The following GAB2 variants were observed in gnomAD, a reference collection of about 807,000 sequenced individuals.
GAB2 encodes the protein GRB2 associated binding protein 2.
Under a neutral mutation model 65.5 loss-of-function variants are expected in GAB2, and 26 were observed. The observed-to-expected ratio is 0.40, with a 90% CI of 0.29 to 0.55. GAB2 has a LOEUF of 0.55. Among genes scored for constraint, GAB2 ranks in the 20% least tolerant of loss-of-function variants. GAB2 has a pLI of 0.53. For missense variants in GAB2, 884 were observed against 875.8 expected (o/e 1.01, Z -0.12); for synonymous variants, 321 against 329.6 (o/e 0.97, Z 0.28).
At chr11:78,393,017 C>T (rs1393246358) in intron 1 of GAB2, among the ~76,000 whole-genome samples, 1 of 152,252 alleles carries the variant, frequency 6.6e-6, no homozygotes, top group Non-Finnish European at 1.5e-5. Flanking sequence ...AGAGAAGAGA[C>T]TAAAAACACA....
chr11:78,223,708 T>G, intron 5 of GAB2, 32 bp from the exon 6 acceptor site: 1 of 1,538,736 alleles, frequency 6.5e-7, no homozygotes, highest in South Asian at 1.2e-5. Flanking sequence ...GAAATACAGC[T>G]GTTACTAGCA....
chr11:78,414,867 A>T (rs1240147952), intron 1 of GAB2, among the ~76,000 whole-genome samples: 2 of 152,038 alleles, frequency 1.3e-5, no homozygotes, highest in Non-Finnish European at 2.9e-5. Context: ...TTCCGAATTA[A>T]GTAAGTTTTT....
intron 1 of GAB2, among the ~76,000 whole-genome samples, chr11:78,379,223 C>T (rs941951209): frequency 6.6e-6 from 1 of 152,224 alleles, no homozygotes; most frequent in Non-Finnish European, 1.5e-5. Context: ...GAGGCTTCAG[C>T]TATTCTCCAC....
At chr11:78,221,280 T>G (rs1308031630) in intron 8 of GAB2, among the ~76,000 whole-genome samples, 1 of 152,260 alleles carries the variant, frequency 6.6e-6, no homozygotes, top group East Asian at 1.9e-4. Flanking sequence ...CCTCTGCCTG[T>G]GTTGATAGCT....
chr11:78,395,037 A>G (rs537743312), intron 1 of GAB2, among the ~76,000 whole-genome samples: 2 of 152,082 alleles, frequency 1.3e-5, no homozygotes, highest in African/African-American at 4.8e-5. Context: ...CATTTTACAC[A>G]CTGGGCAACT....
At chr11:78,283,809 A>G (rs1400059683) in intron 1 of GAB2, among the ~76,000 whole-genome samples, 1 of 151,800 alleles carries the variant, frequency 6.6e-6, no homozygotes, top group Non-Finnish European at 1.5e-5. Flanking sequence ...TCTCTTTTTC[A>G]GTCTCCAGTG....
chr11:78,335,211 T>A (rs983475319), intron 1 of GAB2, among the ~76,000 whole-genome samples: 2 of 152,206 alleles, frequency 1.3e-5, no homozygotes, highest in African/African-American at 4.8e-5. Flanking sequence ...TTTTAGGGAT[T>A]GTCTCCTTTG....
chr11:78,275,065 T>C (rs1486422102), intron 2 of GAB2, among the ~76,000 whole-genome samples: 1 of 152,200 alleles, frequency 6.6e-6, no homozygotes, highest in Non-Finnish European at 1.5e-5. Context: ...CGATTATGTC[T>C]TTTTGTGGCC....
chr11:78,346,644 A>C (rs1856184092), intron 1 of GAB2, among the ~76,000 whole-genome samples: 1 of 141,474 alleles, frequency 7.1e-6, no homozygotes, highest in African/African-American at 2.6e-5. Context: ...AAGAACAGAG[A>C]GGTATGGGCT....
chr11:78,260,763 C>T (rs975608116), intron 2 of GAB2, among the ~76,000 whole-genome samples: 2 of 152,202 alleles, frequency 1.3e-5, no homozygotes, highest in African/African-American at 2.4e-5. Flanking sequence ...TGAGTCACCG[C>T]GCCCAGTCTA....
At chr11:78,223,356 T>A in intron 6 of GAB2, 56 bp downstream of exon 6, 1 of 1,408,974 alleles carries the variant, frequency 7.1e-7, no homozygotes, top group Non-Finnish European at 9.4e-7. Flanking sequence ...CCTAAGCAAA[T>A]GGAAAGAGTC....
chr11:78,408,422 T>C (rs1857083075), intron 1 of GAB2, among the ~76,000 whole-genome samples: 1 of 151,980 alleles, frequency 6.6e-6, no homozygotes, highest in Non-Finnish European at 1.5e-5. Context: ...ACTATATAGA[T>C]AAATCAAAAT....
At chr11:78,234,915 C>T (rs978695771) in intron 3 of GAB2, among the ~76,000 whole-genome samples, 6 of 151,874 alleles carry the variant, frequency 4.0e-5, no homozygotes, top group Admixed American at 1.3e-4. Flanking sequence ...GAGGCTGAGG[C>T]AGGAGAATTG....
intron 2 of GAB2, among the ~76,000 whole-genome samples, chr11:78,250,868 T>C (rs1865434977): frequency 6.6e-6 from 1 of 152,132 alleles, no homozygotes; most frequent in African/African-American, 2.4e-5. Flanking sequence ...CCAAATACCC[T>C]AATGTTCTCA....
Position 78,235,302 on chromosome 11 carries a change from G to A in GAB2, c.621-8251C>T, listed in dbSNP as rs544764725. The stretch of plus-strand genomic sequence containing the variant: ...CGAGTAGCTGGGACTAAAGGCGCCC[G>A]TCACCATGCCGGGCTAATTTTTTGT... On this transcript the variant is annotated intron_variant, in intron 3 of 9. Transcript: ENST00000361507. 4.4e-3 allele frequency among the ~76,000 whole-genome samples: 664 copies of A among 151,902 alleles called. 6 individuals carry two copies. The highest frequency in any genetic ancestry group is 0.015 in the African/African-American group (631 of 41,460).
chr11:78,348,146 G>C (rs1856219721), intron 1 of GAB2, among the ~76,000 whole-genome samples: 1 of 152,136 alleles, frequency 6.6e-6, no homozygotes, highest in Non-Finnish European at 1.5e-5. Context: ...TAGACTTGCT[G>C]TCTCAGCAGT....
chr11:78,300,669 G>A (rs1051656885), intron 1 of GAB2, among the ~76,000 whole-genome samples: 1 of 143,666 alleles, frequency 7.0e-6, no homozygotes, highest in Admixed American at 6.9e-5. Context: ...ATCTCACTGT[G>A]TGGTTTTTTT....
intron 2 of GAB2, among the ~76,000 whole-genome samples, chr11:78,259,171 A>G (rs1865671613): frequency 1.3e-5 from 2 of 152,152 alleles, no homozygotes; most frequent in Non-Finnish European, 2.9e-5. Flanking sequence ...AAAACTTTTA[A>G]TATCTTTATC....
chr11:78,360,189 G>A lies in GAB2; in HGVS notation c.75+57457C>T, dbSNP rs376158411. Among the ~76,000 whole-genome samples the A allele has an allele frequency of 7.2e-5, 11 of 152,038 alleles. No individual in the cohort carries two copies. The East Asian group carries it at 7.7e-4, about 11-fold the overall frequency. ...AAGGAACACAGCGCTGTAACACCTG[G>A]ATTTATTCTCTCCTGAACTGTAAGA... is the stretch of plus-strand genomic sequence containing the variant. On this transcript the variant is annotated intron_variant, in intron 1 of 9. Transcript: ENST00000361507.
Sources: allele counts gnomAD v4.1 joint callset (sites outside exome capture counted in the v4.1 genomes callset), GRCh38; gene constraint gnomAD v4.1.1; transcripts MANE v1.5; gene names NCBI Gene and HGNC (gene_info 2026-07-23, HGNC 2026-07-21).